Variants in PRKCA observed in about 807,000 individuals in gnomAD.
The protein encoded by PRKCA is protein kinase C alpha type.
PRKCA carries 27 observed loss-of-function variants against 87.0 expected under a neutral mutation model. That is an observed-to-expected ratio of 0.31 (90% CI 0.23 to 0.43). The LOEUF (loss-of-function observed/expected upper bound fraction) is 0.43. Among genes scored for constraint, PRKCA ranks in the 20% least tolerant of loss-of-function variants. The probability of loss-of-function intolerance (pLI) is 1.00; values close to 1 mark genes in which losing one functional copy is unlikely to be tolerated. For missense variants in PRKCA, 518 were observed against 852.3 expected, an observed-to-expected ratio of 0.61 and a Z score of 4.88; for synonymous variants, 329 against 311.1, an observed-to-expected ratio of 1.06 and a Z score of -0.61.
intron 2 of PRKCA, chr17:66,415,591 G>A (rs1160054029): frequency 6.6e-6 from 1 of 152,144 alleles, no homozygotes; most frequent in African/African-American, 2.4e-5. Context: ...ATTCTTCTTT[G>A]TTTCCACAAA....
intron 3 of PRKCA, among the ~76,000 whole-genome samples, chr17:66,596,684 C>T (rs552655916): frequency 8.9e-5 from 9 of 101,596 alleles, no homozygotes; most frequent in African/African-American, 1.7e-4. Flanking sequence ...CACCCACTAA[C>T]GTGTCATCTA....
chr17:66,342,268 A>C (rs1329166735), intron 2 of PRKCA, among the ~76,000 whole-genome samples: 1 of 152,026 alleles, frequency 6.6e-6, no homozygotes, highest in Non-Finnish European at 1.5e-5. Flanking sequence ...CTAAAAATAC[A>C]AAAATCAGGT....
chr17:66,564,202 C>G (rs1018429905), intron 3 of PRKCA, among the ~76,000 whole-genome samples: 1 of 152,026 alleles, frequency 6.6e-6, no homozygotes, highest in East Asian at 1.9e-4. Flanking sequence ...CCTCAGCCTC[C>G]CGAGTAGCTA....
At chr17:66,786,089 A>G (rs979455285) in intron 14 of PRKCA, among the ~76,000 whole-genome samples, 1 of 152,152 alleles carries the variant, frequency 6.6e-6, no homozygotes, top group Non-Finnish European at 1.5e-5. Context: ...CGGCCTCCCA[A>G]AGTGCTGGGA....
At chr17:66,638,675 C>T (rs957233983) in intron 3 of PRKCA, among the ~76,000 whole-genome samples, 6 of 152,008 alleles carry the variant, frequency 3.9e-5, no homozygotes, top group Admixed American at 2.6e-4. Flanking sequence ...AGTGAAACCC[C>T]GTCTCCACTA....
At chr17:66,791,980 G>C (rs571055147) in intron 16 of PRKCA, among the ~76,000 whole-genome samples, 3 of 152,336 alleles carry the variant, frequency 2.0e-5, no homozygotes, top group East Asian at 3.9e-4. Context: ...TTCAAAGAGA[G>C]ATGTAGCAAT....
intron 8 of PRKCA, among the ~76,000 whole-genome samples, chr17:66,713,518 T>G (rs1261566248): frequency 6.6e-6 from 1 of 152,164 alleles, no homozygotes; most frequent in Non-Finnish European, 1.5e-5. Context: ...AGATGAGAAG[T>G]GTCAAGTCAA....
intron 2 of PRKCA, among the ~76,000 whole-genome samples, chr17:66,373,755 C>T (rs2143547703): frequency 6.6e-6 from 1 of 152,312 alleles, no homozygotes; most frequent in Non-Finnish European, 1.5e-5. Flanking sequence ...GCCATTAAAA[C>T]CCTCCCTCCT....
intron 3 of PRKCA, among the ~76,000 whole-genome samples, chr17:66,499,148 A>ATT (rs34998543): frequency 5.3e-5 from 8 of 151,016 alleles, no homozygotes; most frequent in Middle Eastern, 3.4e-3. Context: ...GATTCCTATG[A>ATT]TTTTTTTTTA....
At chr17:66,578,904 G>A (rs771555468) in intron 3 of PRKCA, among the ~76,000 whole-genome samples, 1 of 152,194 alleles carries the variant, frequency 6.6e-6, no homozygotes, top group African/African-American at 2.4e-5. Context: ...GTGGCTCCCC[G>A]CGCAGCTCGC....
At position 66,570,983 on chromosome 17, in the gene PRKCA, T is replaced by C. The variant is rs566153973; in HGVS notation, c.289-70372T>C. ...CCCACCTCTAAGGTTGCTGTGAAGG[T>C]AAGGGAAGGTAATATCTGTGAGCAC... is the stretch of plus-strand genomic sequence containing the variant. On this transcript the variant is annotated intron_variant, in intron 3 of 16. Coordinates refer to ENST00000413366, the MANE Select transcript of PRKCA (RefSeq NM_002737.3). Among the ~76,000 whole-genome samples the C allele has an allele frequency of 2.6e-5, 4 of 152,312 alleles. No individual in the cohort carries two copies. In the East Asian group the frequency reaches 5.8e-4, roughly 22 times the overall value.
intron 3 of PRKCA, among the ~76,000 whole-genome samples, chr17:66,511,180 C>G (rs1268551184): frequency 6.6e-6 from 1 of 152,112 alleles, no homozygotes; most frequent in Non-Finnish European, 1.5e-5. Context: ...TTTTTCAAGG[C>G]AGGAAGCTTT....
intron 2 of PRKCA, among the ~76,000 whole-genome samples, chr17:66,433,918 T>C (rs74959373): frequency 3.9e-5 from 6 of 151,996 alleles, no homozygotes; most frequent in Non-Finnish European, 8.8e-5. Flanking sequence ...GTTAACTGAG[T>C]TTCCCTGAGG....
intron 2 of PRKCA, among the ~76,000 whole-genome samples, chr17:66,394,943 A>G (rs1910578054): frequency 6.6e-6 from 1 of 152,210 alleles, no homozygotes. Context: ...GCTTTAGTTT[A>G]TAAATTACCC....
At chr17:66,486,014 A>G (rs7224628) in intron 2 of PRKCA, among the ~76,000 whole-genome samples, 53,086 of 152,030 alleles carry the variant, frequency 0.35, 9,727 homozygotes, top group Middle Eastern at 0.46. Flanking sequence ...ATGTTCAGAC[A>G]TGAAGCTTGT....
intron 5 of PRKCA, among the ~76,000 whole-genome samples, chr17:66,684,565 CTT>C (rs1448510631): frequency 1.3e-5 from 2 of 152,216 alleles, no homozygotes; most frequent in Admixed American, 1.3e-4. Context: ...ATTGATAACT[CTT>C]TTTATTTTCA....
Position 66,689,758 on chromosome 17 carries a change from T to C in PRKCA, c.918+711T>C, listed in dbSNP as rs975525216. ...TTTTCTGTAAGCACCTTCCTTATGT[T>C]TTAAAGGCACAACTTCTAATATTTG... On this transcript the variant is annotated intron_variant, in intron 8 of 16. Transcript: ENST00000413366. The surrounding 1 kb of genome is among the most constrained non-coding windows in gnomAD (Gnocchi z 4.1). Among the ~76,000 whole-genome samples, 2 of 152,248 alleles carry C rather than the reference T, an allele frequency of 1.3e-5. No individual in the cohort carries two copies. Among genetic ancestry groups the C allele is most frequent in the Non-Finnish European group, 2.9e-5 (2 of 68,046 alleles).
intron 3 of PRKCA, among the ~76,000 whole-genome samples, chr17:66,614,689 C>T (rs555923174): frequency 3.3e-5 from 5 of 152,226 alleles, no homozygotes; most frequent in South Asian, 2.1e-4. Context: ...TGGCAAATAC[C>T]GTGTCAAACA....
rs759796916 is a variant in PRKCA, at chr17:66,647,890, C to G, written c.529+2379C>G. ...TTTAAAAATTTTTGTAGAGCTATAG[C>G]TCCACTCTAGGAATGTGAATTCAGC... On this transcript the variant is annotated intron_variant, in intron 5 of 16. Transcript: ENST00000413366. Among the ~76,000 whole-genome samples the G allele has an allele frequency of 5.9e-5, 9 of 152,240 alleles. 1 individual carries two copies. The highest frequency in any genetic ancestry group is 1.0e-4 in the Non-Finnish European group (7 of 68,010).
Sources: allele counts gnomAD v4.1 joint callset (sites outside exome capture counted in the v4.1 genomes callset), GRCh38; gene constraint gnomAD v4.1.1; non-coding constraint Gnocchi (gnomAD v3.1); transcripts MANE v1.5; gene names NCBI Gene and HGNC (gene_info 2026-07-23, HGNC 2026-07-21).